The following GLT6D1 variants were observed in gnomAD, a reference collection of about 807,000 sequenced individuals.
GLT6D1 encodes the protein glycosyltransferase 6 domain containing 1.
A neutral mutation model predicts 12.3 loss-of-function variants in GLT6D1; 9 were observed. That is an observed-to-expected ratio of 0.73 (90% CI 0.44 to 1.27). The LOEUF (loss-of-function observed/expected upper bound fraction) is 1.27, where lower values mean the gene tolerates loss of function less well. Among genes scored for constraint, GLT6D1 ranks in the 50% most tolerant of loss-of-function variants. The pLI is 0.00. For synonymous variants in GLT6D1, 128 were observed against 132.3 expected, an observed-to-expected ratio of 0.97 and a Z score of 0.23; for missense variants, 335 against 346.2, an observed-to-expected ratio of 0.97 and a Z score of 0.26.
upstream of GLT6D1, among the ~76,000 whole-genome samples, chr9:135,640,461 C>T (rs1226865209): frequency 2.0e-5 from 3 of 152,066 alleles, no homozygotes; most frequent in Non-Finnish European, 4.4e-5. Flanking sequence ...TGGCTCACAC[C>T]TGTAATCCCA....
intron 4 of GLT6D1, 54 bp from the exon 5 acceptor site, chr9:135,624,724 CTTT>C (rs72471205): frequency 0.026 from 14,421 of 557,834 alleles, 1 homozygote; most frequent in East Asian, 0.072. Context: ...TCTTTTCTTT[CTTT>C]TTTTTTTTTT....
intron 3 of GLT6D1, among the ~76,000 whole-genome samples, chr9:135,630,600 A>G (rs1304512698): frequency 1.3e-5 from 2 of 150,316 alleles, no homozygotes; most frequent in South Asian, 2.1e-4. Context: ...GGCACCTGTA[A>G]TCCCAGCTAC....
intron 4 of GLT6D1, among the ~76,000 whole-genome samples, chr9:135,624,906 T>A (rs1259091439): frequency 1.3e-5 from 2 of 149,732 alleles, no homozygotes; most frequent in African/African-American, 4.9e-5. Context: ...ATTTTTTTTT[T>A]TTTTTTTTTG....
chr9:135,626,120 T>C lies in GLT6D1; in HGVS notation c.206A>G (p.His69Arg), dbSNP rs769104167. Reference protein sequence around the residue: ...GTFDRRVLEKHYRRRNITVGL... With the variant: ...GTFDRRVLEKRYRRRNITVGL... Reference sequence around the variant, plus strand: ...CACAGTGATATTCCGCCTTCTGTAATGTTTTTCCAGGACCCGCCTGTCGAA... The same window carrying C: ...CACAGTGATATTCCGCCTTCTGTAACGTTTTTCCAGGACCCGCCTGTCGAA... Residue 69 changes from histidine (H) to arginine (R), a missense_variant, in exon 4 of 5, where the codon CAT becomes CGT. Coordinates refer to ENST00000371763, the MANE Select transcript of GLT6D1 (RefSeq NM_182974.3). 6 of 1,614,052 alleles carry C rather than the reference T, an allele frequency of 3.7e-6. No individual in the cohort carries two copies. The South Asian group carries it at 6.6e-5, about 18-fold the overall frequency.
chr9:135,638,680 C>A (rs1833831577), intron 2 of GLT6D1, among the ~76,000 whole-genome samples: 1 of 152,144 alleles, frequency 6.6e-6, no homozygotes, highest in Non-Finnish European at 1.5e-5. Context: ...TACAGCCTGG[C>A]ACCTAGAAGG....
chr9:135,636,570 G>GT (rs779427593), intron 2 of GLT6D1, among the ~76,000 whole-genome samples: 1 of 151,800 alleles, frequency 6.6e-6, no homozygotes, highest in Non-Finnish European at 1.5e-5. Context: ...CGTCCTGTGG[G>GT]TTTTTTTTCA....
upstream of GLT6D1, among the ~76,000 whole-genome samples, chr9:135,640,172 G>A (rs1305101457): frequency 2.0e-5 from 3 of 152,146 alleles, no homozygotes; most frequent in Non-Finnish European, 4.4e-5. Context: ...TCCCGAGTGT[G>A]TGAAATGCAG....
chr9:135,637,263 A>T (rs915161012), intron 2 of GLT6D1, among the ~76,000 whole-genome samples: 1 of 150,032 alleles, frequency 6.7e-6, no homozygotes, highest in African/African-American at 2.5e-5. Flanking sequence ...TGAGCACTTC[A>T]TGAACCACAG....
chr9:135,633,685 T>C (rs1833700591), intron 2 of GLT6D1, among the ~76,000 whole-genome samples: 1 of 152,228 alleles, frequency 6.6e-6, no homozygotes, highest in Non-Finnish European at 1.5e-5. Flanking sequence ...AGATTCACTG[T>C]TTCCCTGAAA....
chr9:135,625,512 C>T (rs566829994), intron 4 of GLT6D1, among the ~76,000 whole-genome samples: 1 of 152,058 alleles, frequency 6.6e-6, no homozygotes, highest in Non-Finnish European at 1.5e-5. Context: ...CTCACCCAAA[C>T]CAAAAAAGTT....
chr9:135,635,801 G>T (rs150045671), intron 2 of GLT6D1, among the ~76,000 whole-genome samples: 5 of 152,180 alleles, frequency 3.3e-5, no homozygotes, highest in African/African-American at 1.2e-4. Context: ...TAAGGTAAAC[G>T]TGAGTTCACG....
intron 2 of GLT6D1, 105 bp from the exon 3 acceptor site, chr9:135,631,583 C>T (rs1833650930): frequency 1.2e-6 from 1 of 840,938 alleles, no homozygotes; most frequent in Admixed American, 1.7e-5. Context: ...TGCATCAACC[C>T]AAATCAGAGT....
At chr9:135,634,493 C>A (rs558573652) in intron 2 of GLT6D1, among the ~76,000 whole-genome samples, 23 of 86,742 alleles carry the variant, frequency 2.7e-4, no homozygotes, top group African/African-American at 5.6e-4. Flanking sequence ...TTTATTTCCC[C>A]TTTTTTGTTT....
At chr9:135,635,607 G>T (rs922749676) in intron 2 of GLT6D1, among the ~76,000 whole-genome samples, 1 of 152,146 alleles carries the variant, frequency 6.6e-6, no homozygotes, top group African/African-American at 2.4e-5. Context: ...TAGAAACCAC[G>T]ATCTGCTGCT....
In GLT6D1 at chr9:135,639,111, AT is replaced by A; in HGVS notation, c.71+5del. 6.8e-7 allele frequency: 1 copy of A among 1,478,468 alleles called. No homozygotes were observed. The highest frequency in any genetic ancestry group is 9.4e-7 in the Non-Finnish European group (1 of 1,059,426). 91.6% of individuals were successfully genotyped at this position (1,478,468 alleles called of 1,614,324 possible). On this transcript the variant is annotated splice_donor_5th_base_variant and intron_variant, in intron 2 of 4. Coordinates refer to ENST00000371763, the MANE Select transcript of GLT6D1 (RefSeq NM_182974.3). ...AGATCATGATTTATCAATACTTTAT[AT>A]TTACCTGAAATAACGCTCAACCAAC...
At chr9:135,631,609 A>G in intron 2 of GLT6D1, 131 bp from the exon 3 acceptor site, 2 of 729,004 alleles carry the variant, frequency 2.7e-6, no homozygotes, top group Non-Finnish European at 5.0e-6. Context: ...GAAGCCTCCC[A>G]GAGAAGAGAT....
rs770625666 is a variant in GLT6D1, at chr9:135,624,190, A to G, written c.738T>C (p.Tyr246=). ...TGATGTCATGAATAACTCCGTTCAGATATTCTTTGATGAAGTCTAAAATAT... is the reference window on the plus strand; with the variant it reads ...TGATGTCATGAATAACTCCGTTCAGGTATTCTTTGATGAAGTCTAAAATAT... ...PHNILDFIKE[Y]LNGVIHDIKN... The change falls in exon 5 of 5, where the codon TAT becomes TAC. Residue 246 remains tyrosine (Y), a synonymous_variant. Coordinates refer to ENST00000371763, the MANE Select transcript of GLT6D1 (RefSeq NM_182974.3). 20 of 1,612,216 alleles carry G rather than the reference A, an allele frequency of 1.2e-5. No homozygotes were observed. Among genetic ancestry groups the G allele is most frequent in the Non-Finnish European group, 1.6e-5 (19 of 1,179,422 alleles).
chr9:135,637,876 G>C (rs1537415), intron 2 of GLT6D1, among the ~76,000 whole-genome samples: 55,176 of 151,996 alleles, frequency 0.36, 10,213 homozygotes, highest in Middle Eastern at 0.44. Context: ...ACTATTATCT[G>C]TCATGATACT....
At chr9:135,633,790 AT>A (rs1403274334) in intron 2 of GLT6D1, among the ~76,000 whole-genome samples, 1 of 146,950 alleles carries the variant, frequency 6.8e-6, no homozygotes, top group Non-Finnish European at 1.5e-5. Flanking sequence ...TGAAAAAAAA[AT>A]CATTCAAGTT....
Sources: allele counts gnomAD v4.1 joint callset (sites outside exome capture counted in the v4.1 genomes callset), GRCh38; gene constraint gnomAD v4.1.1; transcripts MANE v1.5; gene names NCBI Gene and HGNC (gene_info 2026-07-23, HGNC 2026-07-21).